TRIP13: variants seen among roughly 807,000 people sequenced by gnomAD.
TRIP13 encodes pachytene checkpoint protein 2 homolog.
A neutral mutation model predicts 54.4 loss-of-function variants in TRIP13; 25 were observed. That is an observed-to-expected ratio of 0.46 (90% confidence interval 0.33 to 0.64). The LOEUF is 0.64. Ranked by LOEUF, TRIP13 falls within the 30% of genes least tolerant of loss-of-function variation. The pLI is 0.02. For synonymous variants in TRIP13, 207 were observed against 207.8 expected (o/e 1.00, Z 0.03); for missense variants, 373 against 534.2 (o/e 0.70, Z 2.97).
Position 912,367 on chromosome 5 carries a change from A to G in TRIP13, c.1020+371A>G, listed in dbSNP as rs2150690790. ...TCGGGGGCCTGTATCCTTACCTGAA[A>G]GAGGAAACATCACGGGCGTAGTATG... On this transcript the variant is annotated intron_variant, in intron 10 of 12. Transcript: ENST00000166345. The surrounding 1 kb of genome is among the most constrained non-coding windows in gnomAD (Gnocchi z 7.2). 6.6e-6 allele frequency among the ~76,000 whole-genome samples: 1 copy of G among 152,132 alleles called. No individual in the cohort carries two copies. The highest frequency in any genetic ancestry group is 6.5e-5 in the Admixed American group (1 of 15,284).
In TRIP13 at chr5:911,738, G is replaced by A; in HGVS notation, c.867-105G>A. ...AAGGCCACTTTCCTTCCTGTTGGCA[G>A]CCTGCTGGCCATCGTCCTGCCAACC... On this transcript the variant is annotated intron_variant, in intron 9 of 12. Coordinates refer to ENST00000166345, the MANE Select transcript of TRIP13 (RefSeq NM_004237.4). The surrounding 1 kb of genome is among the most constrained non-coding windows in gnomAD (Gnocchi z 4.7). 1 of 1,427,544 alleles carries A rather than the reference G, an allele frequency of 7.0e-7. No homozygotes were observed. 88.4% of individuals were successfully genotyped at this position (1,427,544 alleles called of 1,614,324 possible).
At position 916,136 on chromosome 5, in the gene TRIP13, A is replaced by G. The variant is rs750043411; in HGVS notation, c.1203+163A>G. Among the ~76,000 whole-genome samples the G allele has an allele frequency of 2.6e-4, 39 of 152,182 alleles. 1 individual carries two copies. Among genetic ancestry groups the G allele is most frequent in the Non-Finnish European group, 5.9e-5 (4 of 68,020 alleles). On this transcript the variant is annotated intron_variant, in intron 12 of 12. Transcript: ENST00000166345. Reference sequence around the variant, plus strand: ...GGAGCTGACCTTGGCACCGAAACACAGGGGCTGTCTTGAGTCCTTTGGGAG... The same window carrying G: ...GGAGCTGACCTTGGCACCGAAACACGGGGGCTGTCTTGAGTCCTTTGGGAG...
rs1754166370 is a variant in TRIP13, at chr5:908,584, C to T, written c.866+123C>T. 2.0e-6 allele frequency: 3 copies of T among 1,510,732 alleles called. No individual in the cohort carries two copies. The highest frequency in any genetic ancestry group is 2.5e-5 in the South Asian group (2 of 80,578). The allele number at this position is 1,510,732 out of a possible 1,614,324, so 93.6% of individuals were successfully genotyped here. On this transcript the variant is annotated intron_variant, in intron 9 of 12. Coordinates refer to ENST00000166345, the MANE Select transcript of TRIP13 (RefSeq NM_004237.4). The surrounding 1 kb of genome is among the most constrained non-coding windows in gnomAD (Gnocchi z 5.2). ...CTCTTTCACCGGAAAGTGCATTTGG[C>T]ATTGAGTATCGACTCCTTTTCCACA...
At chr5:904,024 G>C in intron 5 of TRIP13, 124 bp from the exon 6 acceptor site, 2 of 803,852 alleles carry the variant, frequency 2.5e-6, no homozygotes, top group Middle Eastern at 2.4e-4. Flanking sequence ...CTTCATTGTA[G>C]TAATAACATT....
downstream of TRIP13, chr5:918,187 G>A (rs987200404): frequency 1.3e-5 from 2 of 152,218 alleles, no homozygotes; most frequent in African/African-American, 2.4e-5. This position sits in a 1 kb window ranked among gnomAD's most constrained non-coding sequence, Gnocchi z 4.3. Context: ...AAATTGGGAA[G>A]GTGCCAGTGG....
At position 912,726 on chromosome 5, in the gene TRIP13, G is replaced by A. The variant is rs974870409; in HGVS notation, c.1020+730G>A. On this transcript the variant is annotated intron_variant, in intron 10 of 12. Coordinates refer to ENST00000166345, the MANE Select transcript of TRIP13 (RefSeq NM_004237.4). The surrounding 1 kb of genome is among the most constrained non-coding windows in gnomAD (Gnocchi z 7.2). ...GTGTGCGTGAGTCTGGAACGCCGTC[G>A]CCATGGGCAGTGACGCTGCGGTGTG... Among the ~76,000 whole-genome samples the A allele has an allele frequency of 3.3e-5, 5 of 152,040 alleles. No homozygotes were observed. Among genetic ancestry groups the A allele is most frequent in the Admixed American group, 6.6e-5 (1 of 15,258 alleles).
At chr5:916,241 C>T (rs962421428) in intron 12 of TRIP13, among the ~76,000 whole-genome samples, 2 of 152,186 alleles carry the variant, frequency 1.3e-5, no homozygotes, top group Admixed American at 6.5e-5. Flanking sequence ...GTGCTGAGCT[C>T]GTGGCCAGGG....
Position 907,314 on chromosome 5 carries a change from A to T in TRIP13, c.672+121A>T, listed in dbSNP as rs1754135704. ...AACTGGGTGGGAAGGGTGTGTGAGG[A>T]TTGGGGCTGACTGTGATCAGAGAAG... On this transcript the variant is annotated intron_variant, in intron 7 of 12. Coordinates refer to ENST00000166345, the MANE Select transcript of TRIP13 (RefSeq NM_004237.4). The surrounding 1 kb of genome is among the most constrained non-coding windows in gnomAD (Gnocchi z 4.1). 1 of 879,304 alleles carries T rather than the reference A, an allele frequency of 1.1e-6. No individual in the cohort carries two copies. The highest frequency in any genetic ancestry group is 2.7e-5 in the East Asian group (1 of 36,502). The allele number at this position is 879,304 out of a possible 1,614,324, so 54.5% of individuals were successfully genotyped here. A position where few individuals can be genotyped will look rare whatever the true frequency, so the allele number is the denominator to read the frequency against.
chr5:907,491 C>G lies in TRIP13; in HGVS notation c.672+298C>G, dbSNP rs1277603513. The stretch of plus-strand genomic sequence containing the variant: ...TGCATGTCCTTGGTGCTCATGCGCC[C>G]TAGCACTGTCTGTGAGTTGAGGGGG... On this transcript the variant is annotated intron_variant, in intron 7 of 12. Transcript: ENST00000166345. This position sits in a 1 kb window ranked among gnomAD's most constrained non-coding sequence, Gnocchi z 4.1. 6.6e-6 allele frequency among the ~76,000 whole-genome samples: 1 copy of G among 152,198 alleles called. No homozygotes were observed. Among genetic ancestry groups the G allele is most frequent in the African/African-American group, 2.4e-5 (1 of 41,442 alleles).
At chr5:899,936 A>G (rs987637770) in intron 3 of TRIP13, among the ~76,000 whole-genome samples, 17 of 143,524 alleles carry the variant, frequency 1.2e-4, no homozygotes, top group African/African-American at 4.1e-4. Flanking sequence ...GTGGGGAAAC[A>G]GGTGGATTTG....
chr5:910,148 C>G (rs1277777488), intron 9 of TRIP13, among the ~76,000 whole-genome samples: 1 of 152,230 alleles, frequency 6.6e-6, no homozygotes, highest in Non-Finnish European at 1.5e-5. Context: ...CTACTGCAAT[C>G]TGGCTCCTGC....
Position 908,481 on chromosome 5 carries a change from A to G in TRIP13, c.866+20A>G, listed in dbSNP as rs41283157. 0.044 allele frequency: 71,476 copies of G among 1,612,598 alleles called. 1,821 individuals are homozygous for G. The highest frequency in any genetic ancestry group is 0.049 in the Non-Finnish European group (58,024 of 1,179,732). Reference sequence around the variant, plus strand: ...TAAAAGGTAACCAGGACATGCAGCAATTTTCCCTGAGAAGTGATGAGAAGT... The same window carrying G: ...TAAAAGGTAACCAGGACATGCAGCAGTTTTCCCTGAGAAGTGATGAGAAGT... On this transcript the variant is annotated intron_variant, in intron 9 of 12. Transcript: ENST00000166345. This position sits in a 1 kb window ranked among gnomAD's most constrained non-coding sequence, Gnocchi z 5.2.
At chr5:901,802 T>C (rs940725801) in intron 5 of TRIP13, among the ~76,000 whole-genome samples, 1 of 152,284 alleles carries the variant, frequency 6.6e-6, no homozygotes, top group African/African-American at 2.4e-5. Context: ...TTTGTATTTT[T>C]AGTAGAGACG....
rs1169997025 is a variant in TRIP13 at position 915,791 on chromosome 5, C to G, written c.1134-113C>G. ...AAGTGCCCTGTGAACCCAGGGTGTG[C>G]TTGGGACGCCTCGGCTTGTGTTCCC... On this transcript the variant is annotated intron_variant, in intron 11 of 12. Coordinates refer to ENST00000166345, the MANE Select transcript of TRIP13 (RefSeq NM_004237.4). This position sits in a 1 kb window ranked among gnomAD's most constrained non-coding sequence, Gnocchi z 4.2. 1.8e-6 allele frequency: 2 copies of G among 1,088,320 alleles called. No individual in the cohort carries two copies. The highest frequency in any genetic ancestry group is 1.4e-6 in the Non-Finnish European group (1 of 713,196). 67.4% of individuals were successfully genotyped at this position (1,088,320 alleles called of 1,614,324 possible). A position where few individuals can be genotyped will look rare whatever the true frequency, so the allele number is the denominator to read the frequency against.
At position 901,398 on chromosome 5, in the gene TRIP13, C is replaced by G; in HGVS notation, c.502C>G (p.Leu168Val). The G allele has an allele frequency of 6.2e-7, 1 of 1,614,160 alleles. No homozygotes were observed. Among genetic ancestry groups the G allele is most frequent in the Non-Finnish European group, 8.5e-7 (1 of 1,180,026 alleles). ...TTCAGACAAGAACGTCAACAGCAAC[C>G]TCATCACCTGGAACCGGGTGGTGCT... ...LFSDKNVNSN[L>V]ITWNRVVLLH... Residue 168 changes from leucine to valine, a missense_variant, in exon 5 of 13, where the codon CTC becomes GTC. Leu to Val is a conservative substitution (Grantham distance 32). Transcript: ENST00000166345.
At chr5:904,055 C>T (rs150141356) in intron 5 of TRIP13, 93 bp from the exon 6 acceptor site, 28 of 1,173,262 alleles carry the variant, frequency 2.4e-5, no homozygotes, top group African/African-American at 2.2e-4. Flanking sequence ...AACTGTATTC[C>T]TTATATTTTA....
At position 893,099 on chromosome 5, in the gene TRIP13, G is replaced by C. The variant is rs778876567; in HGVS notation, c.92+9G>C. The C allele has an allele frequency of 1.1e-5, 17 of 1,581,658 alleles. No homozygotes were observed. Among genetic ancestry groups the C allele is most frequent in the Non-Finnish European group, 1.4e-5 (16 of 1,170,512 alleles). ...CATCAGCGCGGCAGCAGGTGAGCCG[G>C]ACCTGTCCGACACATCCTCTGGGCA... On this transcript the variant is annotated intron_variant, in intron 1 of 12. Transcript: ENST00000166345.
chr5:895,756 T>C (rs1262073660), intron 2 of TRIP13, among the ~76,000 whole-genome samples: 2 of 152,244 alleles, frequency 1.3e-5, no homozygotes, highest in African/African-American at 4.8e-5. Context: ...TCTAATGTTC[T>C]CTGACTGCAG....
At position 892,944 on chromosome 5, in the gene TRIP13, C is replaced by A; in HGVS notation, c.-55C>A. 7.1e-7 allele frequency: 1 copy of A among 1,408,140 alleles called. No homozygotes were observed. Among genetic ancestry groups the A allele is most frequent in the Non-Finnish European group, 9.3e-7 (1 of 1,073,258 alleles). The allele number at this position is 1,408,140 out of a possible 1,614,324, so 87.2% of individuals were successfully genotyped here. A position where few individuals can be genotyped will look rare whatever the true frequency, so the allele number is the denominator to read the frequency against. ...CAGCGGCTGTGGCGGCGACGCTGGG[C>A]GTGAGGTGGCGGCGGCCGCGCCCTG... On this transcript the variant is annotated 5_prime_UTR_variant, in exon 1 of 13. Transcript: ENST00000166345.
Sources: allele counts gnomAD v4.1 joint callset (sites outside exome capture counted in the v4.1 genomes callset), GRCh38; gene constraint gnomAD v4.1.1; non-coding constraint Gnocchi (gnomAD v3.1); transcripts MANE v1.5; gene names NCBI Gene and HGNC (gene_info 2026-07-23, HGNC 2026-07-21).